Variants in CCSER1 observed in about 807,000 individuals in gnomAD.
CCSER1 encodes the protein coiled-coil serine rich protein 1, also known as serine-rich coiled-coil domain-containing protein 1.
In CCSER1, 41 loss-of-function variants were observed where a neutral mutation model predicts 82.0. The ratio of observed to expected loss-of-function variants is 0.50; its 90% CI spans 0.39 to 0.65. The LOEUF is 0.65. Among genes scored for constraint, CCSER1 ranks in the 30% least tolerant of loss-of-function variants. CCSER1 has a pLI of 0.00. For synonymous variants in CCSER1, 414 were observed against 383.9 expected (o/e 1.08, Z -0.92); for missense variants, 1,119 against 1,064.2 (o/e 1.05, Z -0.72).
chr4:90,622,577 G>A lies in CCSER1; in HGVS notation c.1725-5448G>A, dbSNP rs1241579514. On this transcript the variant is annotated intron_variant, in intron 5 of 10. Transcript: ENST00000509176. The stretch of plus-strand genomic sequence containing the variant: ...AATGATGGTTTCCAGCTTCATCCAT[G>A]TCACTACAAAGGACATGAACTGTCC... Among the ~76,000 whole-genome samples the A allele has an allele frequency of 2.0e-5, 3 of 152,042 alleles. No individual in the cohort carries two copies. The East Asian group carries it at 5.8e-4, about 29-fold the overall frequency.
chr4:91,440,334 T>C lies in CCSER1; in HGVS notation c.2218-158238T>C, dbSNP rs914415968. On this transcript the variant is annotated intron_variant, in intron 10 of 10. Coordinates refer to ENST00000509176, the MANE Select transcript of CCSER1 (RefSeq NM_001145065.2). ...ACTCACTCAAAACCGCTCAACTACATGGAAACTGAACAATCTGCTCCTGAA... is the reference window on the plus strand; with the variant it reads ...ACTCACTCAAAACCGCTCAACTACACGGAAACTGAACAATCTGCTCCTGAA... Among the ~76,000 whole-genome samples, 7 of 152,190 alleles carry C rather than the reference T, an allele frequency of 4.6e-5. No homozygotes were observed. In the South Asian group the frequency reaches 8.3e-4, roughly 18 times the overall value.
At chr4:91,243,069 G>C (rs1560538444) in intron 10 of CCSER1, among the ~76,000 whole-genome samples, 2 of 152,204 alleles carry the variant, frequency 1.3e-5, no homozygotes, top group Non-Finnish European at 1.5e-5. Flanking sequence ...TAGCCATGTA[G>C]CATGGAGAGA....
intron 8 of CCSER1, among the ~76,000 whole-genome samples, chr4:90,844,210 A>G (rs1362063118): frequency 6.6e-6 from 1 of 151,930 alleles, no homozygotes; most frequent in Non-Finnish European, 1.5e-5. Context: ...GAATATATAT[A>G]TATATGTATA....
intron 3 of CCSER1, among the ~76,000 whole-genome samples, chr4:90,348,034 A>C (rs1043420883): frequency 1.3e-5 from 2 of 152,176 alleles, no homozygotes; most frequent in African/African-American, 4.8e-5. Context: ...CAAATACTGC[A>C]TGTTCTCACT....
At chr4:90,552,905 T>C (rs1777689756) in intron 5 of CCSER1, among the ~76,000 whole-genome samples, 1 of 152,206 alleles carries the variant, frequency 6.6e-6, no homozygotes, top group South Asian at 2.1e-4. Flanking sequence ...AGTTTGTATT[T>C]AACTTAAAGA....
intron 5 of CCSER1, among the ~76,000 whole-genome samples, chr4:90,530,583 G>A (rs1469632977): frequency 6.6e-6 from 1 of 152,152 alleles, no homozygotes; most frequent in Non-Finnish European, 1.5e-5. Context: ...CCTAGAAAAA[G>A]CTGGTGATTT....
chr4:90,912,394 T>G (rs949802743), intron 8 of CCSER1, among the ~76,000 whole-genome samples: 3 of 152,288 alleles, frequency 2.0e-5, no homozygotes, highest in African/African-American at 7.2e-5. Flanking sequence ...GGAGTGGACC[T>G]CCAGCAAACT....
intron 3 of CCSER1, among the ~76,000 whole-genome samples, chr4:90,334,779 G>A (rs1162191766): frequency 1.3e-5 from 2 of 151,970 alleles, no homozygotes; most frequent in Non-Finnish European, 2.9e-5. Context: ...TTATATTTTG[G>A]CTATTTTTCT....
intron 9 of CCSER1, among the ~76,000 whole-genome samples, chr4:91,040,193 C>T (rs1488739225): frequency 3.3e-5 from 5 of 152,100 alleles, no homozygotes; most frequent in Admixed American, 6.6e-5. Flanking sequence ...ATCTTAAGCA[C>T]AAATGACATA....
At chr4:90,740,568 G>T (rs1746369106) in intron 7 of CCSER1, among the ~76,000 whole-genome samples, 1 of 152,130 alleles carries the variant, frequency 6.6e-6, no homozygotes, top group Non-Finnish European at 1.5e-5. Flanking sequence ...TCATATTGCT[G>T]TTCAAATTAT....
intron 5 of CCSER1, among the ~76,000 whole-genome samples, chr4:90,626,077 G>A (rs550148814): frequency 6.6e-6 from 1 of 152,230 alleles, no homozygotes; most frequent in East Asian, 1.9e-4. Context: ...AAATTTTATT[G>A]TAATTGTGGC....
intron 9 of CCSER1, among the ~76,000 whole-genome samples, chr4:91,008,564 A>G (rs542555677): frequency 1.5e-4 from 23 of 152,226 alleles, no homozygotes; most frequent in Admixed American, 3.9e-4. Flanking sequence ...GTCTTCTTCT[A>G]TCCTTTTACT....
intron 5 of CCSER1, among the ~76,000 whole-genome samples, chr4:90,521,271 A>G (rs1220778923): frequency 6.6e-6 from 1 of 152,208 alleles, no homozygotes; most frequent in African/African-American, 2.4e-5. Context: ...AACCTAACCA[A>G]TTAGTAAGGA....
chr4:90,192,536 T>C (rs1735850305), intron 1 of CCSER1, among the ~76,000 whole-genome samples: 1 of 152,086 alleles, frequency 6.6e-6, no homozygotes, highest in Non-Finnish European at 1.5e-5. Flanking sequence ...CGTGCAGTAG[T>C]TGTATGACCT....
intron 1 of CCSER1, among the ~76,000 whole-genome samples, chr4:90,282,372 G>A (rs562193035): frequency 7.9e-5 from 12 of 151,640 alleles, no homozygotes; most frequent in African/African-American, 2.7e-4. Context: ...CAAGTGTTAA[G>A]TAAAAGTGAT....
At chr4:90,335,975 A>G (rs1015390925) in intron 3 of CCSER1, among the ~76,000 whole-genome samples, 1 of 152,210 alleles carries the variant, frequency 6.6e-6, no homozygotes, top group African/African-American at 2.4e-5. Flanking sequence ...TATTCTTTCA[A>G]TATTAAGAAC....
chr4:91,147,297 C>T lies in CCSER1; in HGVS notation c.2217+61303C>T, dbSNP rs535743824. On this transcript the variant is annotated intron_variant, in intron 10 of 10. Transcript: ENST00000509176. The stretch of plus-strand genomic sequence containing the variant: ...TGGGGCTTGCCCAGCTCATTCTCCC[C>T]CAATCCAGTGAGTCTCTCCAGCACC... Among the ~76,000 whole-genome samples, 9 of 152,310 alleles carry T rather than the reference C, an allele frequency of 5.9e-5. No homozygotes were observed. In the South Asian group the frequency reaches 1.5e-3, roughly 25 times the overall value.
intron 8 of CCSER1, among the ~76,000 whole-genome samples, chr4:90,852,191 A>G (rs2149936739): frequency 6.6e-6 from 1 of 152,338 alleles, no homozygotes; most frequent in Middle Eastern, 3.4e-3. Flanking sequence ...AAACAACTAC[A>G]GAAGAGCCCA....
intron 5 of CCSER1, among the ~76,000 whole-genome samples, chr4:90,479,894 T>A (rs1353250102): frequency 1.3e-5 from 2 of 152,224 alleles, no homozygotes; most frequent in African/African-American, 4.8e-5. Context: ...ATATACCCAG[T>A]AATGGGATGG....
Sources: gnomAD v4.1 joint callset for allele counts (sites outside exome capture counted in the v4.1 genomes callset) on GRCh38, gnomAD v4.1.1 for gene constraint, MANE v1.5 for transcripts, NCBI Gene and HGNC (gene_info 2026-07-23, HGNC 2026-07-21) for gene names.